The following THRB variants were observed in gnomAD, a reference collection of about 807,000 sequenced individuals.
THRB encodes nuclear receptor subfamily 1 group A member 2.
In THRB, 12 loss-of-function variants were observed where a neutral mutation model predicts 47.8. That is an observed-to-expected ratio of 0.25 (90% confidence interval 0.16 to 0.41). The LOEUF (loss-of-function observed/expected upper bound fraction) is 0.41, where lower values mean the gene tolerates loss of function less well. Among genes scored for constraint, THRB ranks in the 10% least tolerant of loss-of-function variants. The pLI is 1.00. For missense variants in THRB, 348 were observed against 589.2 expected (o/e 0.59, Z 4.24); for synonymous variants, 218 against 212.2 (o/e 1.03, Z -0.24).
chr3:24,152,878 C>G (rs940647207), intron 5 of THRB, among the ~76,000 whole-genome samples: 9 of 151,594 alleles, frequency 5.9e-5, no homozygotes, highest in African/African-American at 1.9e-4. Context: ...AAGATAATCA[C>G]TTGAACCCAG....
chr3:24,145,826 TTC>T (rs1358421187), intron 7 of THRB, among the ~76,000 whole-genome samples: 1 of 152,212 alleles, frequency 6.6e-6, no homozygotes, highest in African/African-American at 2.4e-5. Flanking sequence ...TTTTTTATCT[TTC>T]TTTTTCTTTT....
intron 1 of THRB, among the ~76,000 whole-genome samples, chr3:24,452,502 T>C (rs937228638): frequency 6.6e-6 from 1 of 152,078 alleles, no homozygotes; most frequent in Non-Finnish European, 1.5e-5. Flanking sequence ...TTACTGAGCA[T>C]GTAGTATGTG....
At chr3:24,361,719 T>G (rs6781111) in intron 1 of THRB, among the ~76,000 whole-genome samples, 3 of 152,014 alleles carry the variant, frequency 2.0e-5, no homozygotes, top group Non-Finnish European at 4.4e-5. Flanking sequence ...ATGTATGGAT[T>G]TGTTTGCCAG....
chr3:24,277,045 A>C (rs1174382090), intron 3 of THRB, among the ~76,000 whole-genome samples: 5 of 152,220 alleles, frequency 3.3e-5, no homozygotes, highest in Non-Finnish European at 4.4e-5. Flanking sequence ...TTTCAAAGGC[A>C]GAAGGGAAAG....
intron 3 of THRB, among the ~76,000 whole-genome samples, chr3:24,232,876 G>A (rs1465016045): frequency 1.3e-5 from 2 of 152,172 alleles, no homozygotes; most frequent in South Asian, 2.1e-4. Flanking sequence ...TAAACACTGC[G>A]GATGCAGATA....
In THRB at chr3:24,120,325, C is replaced by A. The variant is rs1216773243; in HGVS notation, c.*2559G>T. On this transcript the variant is annotated 3_prime_UTR_variant, in exon 11 of 11. Transcript: ENST00000646209. ...GAAGGCAATCAATCATTTAAGGTGC[C>A]AAGGATCAAACGTTCCTTTACTTGC... 1 of 152,184 alleles carries A rather than the reference C, an allele frequency of 6.6e-6. No homozygotes were observed. The highest frequency in any genetic ancestry group is 1.5e-5 in the Non-Finnish European group (1 of 68,038). 9.4% of individuals were successfully genotyped at this position (152,184 alleles called of 1,614,324 possible). A position where few individuals can be genotyped will look rare whatever the true frequency, so the allele number is the denominator to read the frequency against.
At chr3:24,150,126 C>A (rs1199824740) in intron 6 of THRB, among the ~76,000 whole-genome samples, 3 of 152,152 alleles carry the variant, frequency 2.0e-5, no homozygotes, top group African/African-American at 7.2e-5. Context: ...ATCCTTTCTA[C>A]AAAAGATGTG....
At chr3:24,174,599 G>T (rs770643664) in intron 5 of THRB, among the ~76,000 whole-genome samples, 1 of 152,154 alleles carries the variant, frequency 6.6e-6, no homozygotes, top group African/African-American at 2.4e-5. Flanking sequence ...AGACTTAGAA[G>T]TCTTTTGCAA....
At chr3:24,493,794 A>G (rs1698561814) in intron 1 of THRB, among the ~76,000 whole-genome samples, 1 of 152,244 alleles carries the variant, frequency 6.6e-6, no homozygotes, top group South Asian at 2.1e-4. Context: ...TCCTTAAAAT[A>G]AATAAGAAGG....
chr3:24,448,352 T>C (rs1422349216), intron 1 of THRB, among the ~76,000 whole-genome samples: 2 of 152,228 alleles, frequency 1.3e-5, no homozygotes, highest in South Asian at 2.1e-4. Context: ...ATTGTAAAAA[T>C]GATTACTGCT....
chr3:24,323,114 G>A (rs182490596), intron 2 of THRB, among the ~76,000 whole-genome samples: 16 of 152,180 alleles, frequency 1.1e-4, no homozygotes, highest in African/African-American at 3.1e-4. Context: ...ATGTCATTCC[G>A]TTGAGCTTTA....
intron 1 of THRB, chr3:24,458,505 A>T (rs1375023948): frequency 1.3e-5 from 2 of 152,170 alleles, no homozygotes; most frequent in Admixed American, 1.3e-4. Flanking sequence ...CCAGTTAAAC[A>T]TTTTCGATTC....
intron 3 of THRB, among the ~76,000 whole-genome samples, chr3:24,279,684 C>T (rs1339814182): frequency 5.3e-5 from 8 of 152,054 alleles, no homozygotes; most frequent in African/African-American, 1.4e-4. Flanking sequence ...CGTGAGCCAC[C>T]GTGCCCGGCC....
chr3:24,413,720 C>A (rs981048930), intron 1 of THRB, among the ~76,000 whole-genome samples: 1 of 151,708 alleles, frequency 6.6e-6, no homozygotes, highest in African/African-American at 2.4e-5. Context: ...CTCCCCCATC[C>A]CCGACCCCAC....
intron 3 of THRB, among the ~76,000 whole-genome samples, chr3:24,289,879 AC>A (rs1234081866): frequency 1.3e-5 from 2 of 152,132 alleles, no homozygotes; most frequent in African/African-American, 4.8e-5. Context: ...ATGGTGACAA[AC>A]CTAAAATCTC....
At chr3:24,153,252 G>T (rs2037292454) in intron 5 of THRB, among the ~76,000 whole-genome samples, 1 of 152,204 alleles carries the variant, frequency 6.6e-6, no homozygotes, top group Non-Finnish European at 1.5e-5. Context: ...GTAAGGTGAA[G>T]AAACAGGCCT....
intron 3 of THRB, among the ~76,000 whole-genome samples, chr3:24,248,889 A>G (rs9880612): frequency 6.6e-6 from 1 of 152,218 alleles, no homozygotes; most frequent in East Asian, 1.9e-4. Flanking sequence ...ACTTCTTGCA[A>G]TTGGGTTCCC....
intron 3 of THRB, among the ~76,000 whole-genome samples, chr3:24,256,437 G>A (rs1294278766): frequency 6.6e-6 from 1 of 152,116 alleles, no homozygotes; most frequent in Non-Finnish European, 1.5e-5. Context: ...ATAAATAATT[G>A]TGAGTTCGTT....
chr3:24,375,913 T>C (rs1269231726), intron 1 of THRB, among the ~76,000 whole-genome samples: 1 of 152,182 alleles, frequency 6.6e-6, no homozygotes, highest in Admixed American at 6.6e-5. Context: ...AATAAGGAGA[T>C]AATTTACAGA....
Sources: allele counts gnomAD v4.1 joint callset (sites outside exome capture counted in the v4.1 genomes callset), GRCh38; gene constraint gnomAD v4.1.1; transcripts MANE v1.5; gene names NCBI Gene and HGNC (gene_info 2026-07-23, HGNC 2026-07-21).